The following ADAMTS18 variants were observed in gnomAD, a reference collection of about 807,000 sequenced individuals.
ADAMTS18 encodes A disintegrin and metalloproteinase with thrombospondin motifs 18.
In ADAMTS18, 157 loss-of-function variants were observed where a neutral mutation model predicts 165.9. The ratio of observed to expected loss-of-function variants is 0.95; its 90% CI spans 0.83 to 1.08. The LOEUF (loss-of-function observed/expected upper bound fraction) is 1.08. ADAMTS18 is among the 50% of genes least tolerant of loss of function. ADAMTS18 has a pLI of 0.00. For missense variants in ADAMTS18, 2,040 were observed against 1,534.0 expected (o/e 1.33, Z -5.51); for synonymous variants, 782 against 578.2 (o/e 1.35, Z -5.06).
intron 3 of ADAMTS18, among the ~76,000 whole-genome samples, chr16:77,416,383 C>T (rs1432473665): frequency 1.3e-5 from 2 of 152,110 alleles, no homozygotes; most frequent in Admixed American, 1.3e-4. Flanking sequence ...TATGTCCCTA[C>T]CCAAATGTCA....
chr16:77,325,871 A>G lies in ADAMTS18; in HGVS notation c.2027T>C (p.Val676Ala), dbSNP rs201322928. ...TGTCATAGAGACCAAATTACCTTCC[A>G]CTTTTGTATAGGGTTTCCACTGGTA... ...WFYQWKPYTK[V>A]EEEDRCKLYC... is the part of the protein sequence containing the mutation. Residue 676 changes from valine (V) to alanine (A), a missense_variant, in exon 13 of 23, where the codon GTG becomes GCG. Transcript: ENST00000282849. 17 of 1,613,494 alleles carry G rather than the reference A, an allele frequency of 1.1e-5. No homozygotes were observed. The East Asian group carries it at 3.3e-4, about 32-fold the overall frequency.
intron 8 of ADAMTS18, 77 bp from the exon 9 acceptor site, chr16:77,356,154 A>G: frequency 6.3e-7 from 1 of 1,592,386 alleles, no homozygotes; most frequent in Admixed American, 1.7e-5. Flanking sequence ...AAGAATAAAG[A>G]TGTATTGATC....
intron 3 of ADAMTS18, among the ~76,000 whole-genome samples, chr16:77,420,635 C>T (rs2057589758): frequency 6.6e-6 from 1 of 152,174 alleles, no homozygotes; most frequent in South Asian, 2.1e-4. Flanking sequence ...CATCCTACTT[C>T]AATGCATTTT....
chr16:77,363,421 T>A (rs545777616), intron 6 of ADAMTS18, among the ~76,000 whole-genome samples: 3 of 152,086 alleles, frequency 2.0e-5, no homozygotes, highest in Non-Finnish European at 4.4e-5. Context: ...CATATCAAAC[T>A]TGCAAAATCT....
chr16:77,292,862 C>T (rs1300090425), intron 20 of ADAMTS18, among the ~76,000 whole-genome samples: 1 of 152,114 alleles, frequency 6.6e-6, no homozygotes, highest in African/African-American at 2.4e-5. Flanking sequence ...CTCTGTCGCC[C>T]AGGCTGGAGT....
At chr16:77,338,964 A>T (rs2144682215) in intron 11 of ADAMTS18, among the ~76,000 whole-genome samples, 1 of 152,062 alleles carries the variant, frequency 6.6e-6, no homozygotes, top group South Asian at 2.1e-4. Flanking sequence ...AAAAAAAAAA[A>T]AAAAAAAGTA....
intron 6 of ADAMTS18, 33 bp downstream of exon 6, chr16:77,363,769 T>C: frequency 6.3e-7 from 1 of 1,591,230 alleles, no homozygotes; most frequent in Non-Finnish European, 8.6e-7. Flanking sequence ...AACGGCAGAC[T>C]GAATGAAGAC....
intron 11 of ADAMTS18, among the ~76,000 whole-genome samples, chr16:77,340,335 C>A (rs1242239671): frequency 1.3e-5 from 2 of 152,086 alleles, no homozygotes; most frequent in South Asian, 2.1e-4. Context: ...CCACCACGCC[C>A]AGCAAATTTT....
At chr16:77,428,105 C>T (rs975185227) in intron 3 of ADAMTS18, among the ~76,000 whole-genome samples, 7 of 152,104 alleles carry the variant, frequency 4.6e-5, no homozygotes, top group African/African-American at 1.7e-4. Context: ...CCAAAAGGAC[C>T]CTAAGGCCAG....
intron 16 of ADAMTS18, among the ~76,000 whole-genome samples, chr16:77,311,857 A>C (rs1471498629): frequency 1.3e-5 from 2 of 152,186 alleles, no homozygotes; most frequent in Non-Finnish European, 1.5e-5. Context: ...TTTTTCTTGA[A>C]TCTATTGGTA....
chr16:77,429,350 C>T (rs2057710838), intron 3 of ADAMTS18, among the ~76,000 whole-genome samples: 1 of 152,114 alleles, frequency 6.6e-6, no homozygotes, highest in Non-Finnish European at 1.5e-5. Context: ...AATTCAAATC[C>T]CACGTTCTCA....
At chr16:77,407,334 T>A (rs1433882777) in intron 3 of ADAMTS18, among the ~76,000 whole-genome samples, 2 of 152,052 alleles carry the variant, frequency 1.3e-5, no homozygotes, top group African/African-American at 4.8e-5. Flanking sequence ...GAAAAGAATT[T>A]AAGACTTAAC....
At chr16:77,413,361 C>A (rs1420597227) in intron 3 of ADAMTS18, among the ~76,000 whole-genome samples, 1 of 152,202 alleles carries the variant, frequency 6.6e-6, no homozygotes, top group Non-Finnish European at 1.5e-5. Context: ...GGGTAGAGTG[C>A]AGAAAAACCT....
In ADAMTS18 at chr16:77,434,476, C is replaced by T. The variant is rs917540075; in HGVS notation, c.120G>A (p.Ala40=). ...KALQLCCLCC[A]SVAAALASDS... is the part of the protein sequence containing the mutation. ...CACTGGCTAAGGCCGCGGCGACCGACGCACAGCAGAGGCAGCACAGCTGGA... is the reference window on the plus strand; with the variant it reads ...CACTGGCTAAGGCCGCGGCGACCGATGCACAGCAGAGGCAGCACAGCTGGA... Residue 40 remains alanine, a synonymous_variant, in exon 2 of 23, where the codon GCG becomes GCA. Transcript: ENST00000282849. The T allele has an allele frequency of 1.3e-6, 2 of 1,569,726 alleles. No homozygotes were observed. The highest frequency in any genetic ancestry group is 1.7e-6 in the Non-Finnish European group (2 of 1,162,462).
At chr16:77,342,447 T>C (rs1176778051) in intron 10 of ADAMTS18, among the ~76,000 whole-genome samples, 1 of 125,584 alleles carries the variant, frequency 8.0e-6, no homozygotes, top group African/African-American at 2.9e-5. Context: ...ATGAGTGCTG[T>C]TTATAGTTTA....
At position 77,335,786 on chromosome 16, in the gene ADAMTS18, T is replaced by C. The variant is rs202020248; in HGVS notation, c.1829A>G (p.Lys610Arg). The change falls in exon 12 of 23, where the codon AAG becomes AGG. Residue 610 changes from lysine (K) to arginine (R), a missense_variant. Physicochemically the swap from Lys to Arg is conservative, Grantham distance 26. Coordinates refer to ENST00000282849, the MANE Select transcript of ADAMTS18 (RefSeq NM_199355.4). Reference sequence around the variant, plus strand: ...GTTATTGCAGTGTCTCTCCTGGAACTTGACTCCTCCACCACATGTCCGGGA... The same window carrying C: ...GTTATTGCAGTGTCTCTCCTGGAACCTGACTCCTCCACCACATGTCCGGGA... Reference protein sequence around the residue: ...ECSRTCGGGVKFQERHCNNPK... With the variant: ...ECSRTCGGGVRFQERHCNNPK... 7.4e-6 allele frequency: 12 copies of C among 1,614,244 alleles called. No individual in the cohort carries two copies. The East Asian group carries it at 2.2e-4, about 30-fold the overall frequency.
Position 77,353,889 on chromosome 16 carries a change from G to T in ADAMTS18, c.1461-3C>A. On this transcript the variant is annotated splice_polypyrimidine_tract_variant and splice_region_variant and intron_variant, in intron 9 of 22. Coordinates refer to ENST00000282849, the MANE Select transcript of ADAMTS18 (RefSeq NM_199355.4). ...CTAGACACCCCGCCTGAGGTGTGCT[G>T]TAATGACAATACATGCTTATTAATT... is the stretch of plus-strand genomic sequence containing the variant. 1 of 1,614,142 alleles carries T rather than the reference G, an allele frequency of 6.2e-7. No homozygotes were observed. The highest frequency in any genetic ancestry group is 8.5e-7 in the Non-Finnish European group (1 of 1,180,020).
At chr16:77,420,431 A>G (rs1218035813) in intron 3 of ADAMTS18, among the ~76,000 whole-genome samples, 1 of 152,132 alleles carries the variant, frequency 6.6e-6, no homozygotes, top group Non-Finnish European at 1.5e-5. Context: ...TTTGGGCCCC[A>G]TCCTCAGACA....
intron 6 of ADAMTS18, 55 bp downstream of exon 6, chr16:77,363,747 A>G (rs1218732566): frequency 8.4e-6 from 13 of 1,539,692 alleles, no homozygotes; most frequent in Non-Finnish European, 1.1e-5. Flanking sequence ...GGTGTTCAAG[A>G]AATGTATTCT....
Sources: gnomAD v4.1 joint callset for allele counts (sites outside exome capture counted in the v4.1 genomes callset) on GRCh38, gnomAD v4.1.1 for gene constraint, MANE v1.5 for transcripts, NCBI Gene and HGNC (gene_info 2026-07-23, HGNC 2026-07-21) for gene names.